The following PDE4DIP variants were observed in gnomAD, a reference collection of about 807,000 sequenced individuals.
The protein encoded by PDE4DIP is myomegalin.
PDE4DIP carries 59 observed loss-of-function variants against 221.4 expected under a neutral mutation model. The observed-to-expected ratio is 0.27, with a 90% CI of 0.22 to 0.33. The LOEUF (loss-of-function observed/expected upper bound fraction) is 0.33. Ranked by LOEUF, PDE4DIP falls within the 10% of genes least tolerant of loss-of-function variation. The pLI, the probability that PDE4DIP is intolerant of heterozygous loss-of-function variation, is 1.00. For missense variants in PDE4DIP, 1,036 were observed against 2,154.2 expected, an observed-to-expected ratio of 0.48 and a Z score of 10.28; for synonymous variants, 404 against 815.9, an observed-to-expected ratio of 0.50 and a Z score of 8.60.
At chr1:148,837,984 TC>T (rs1387850357) in intron 1 of PDE4DIP, among the ~76,000 whole-genome samples, 3 of 35,704 alleles carry the variant, frequency 8.4e-5, no homozygotes, top group Non-Finnish European at 1.6e-4. Context: ...TATCCATCAG[TC>T]CTCTGGGCTC....
intron 19 of PDE4DIP, 27 bp from the exon 23 acceptor site, chr1:148,979,710 A>G: frequency 6.2e-7 from 1 of 1,604,174 alleles, no homozygotes; most frequent in East Asian, 2.2e-5. Flanking sequence ...CCATTTGCGT[A>G]TTGCTTCCTC....
intron 17 of PDE4DIP, among the ~76,000 whole-genome samples, chr1:148,975,859 A>G (rs1382889331): frequency 6.6e-6 from 1 of 152,086 alleles, no homozygotes; most frequent in Admixed American, 6.5e-5. Flanking sequence ...CTTTTGCCAT[A>G]GCTAGATCTA....
intron 1 of PDE4DIP, among the ~76,000 whole-genome samples, chr1:148,922,747 C>A (rs2045730874): frequency 6.7e-6 from 1 of 149,720 alleles, no homozygotes; most frequent in South Asian, 2.2e-4. Flanking sequence ...GCCACCACAC[C>A]CGGCTAATTT....
intron 17 of PDE4DIP, among the ~76,000 whole-genome samples, chr1:148,974,938 C>T (rs184851854): frequency 1.1e-4 from 10 of 87,336 alleles, no homozygotes; most frequent in African/African-American, 2.3e-4. Context: ...CCGAGGTGGG[C>T]GGATCACTTG....
intron 5 of PDE4DIP, among the ~76,000 whole-genome samples, chr1:148,941,390 A>G (rs587704414): frequency 8.9e-6 from 1 of 112,702 alleles, no homozygotes; most frequent in Admixed American, 8.9e-5. Flanking sequence ...AAAAATAAGT[A>G]TTGGAGAATG....
intron 5 of PDE4DIP, among the ~76,000 whole-genome samples, chr1:148,955,785 T>C (rs2055139286): frequency 6.6e-6 from 1 of 152,116 alleles, no homozygotes; most frequent in Non-Finnish European, 1.5e-5. Context: ...CTTCACTAAA[T>C]TTGGACATTA....
At chr1:149,005,398 A>C (rs2066714126) in exon 27 of PDE4DIP, 1 of 1,610,974 alleles carries the variant, frequency 6.2e-7, no homozygotes, top group South Asian at 1.1e-5. Context: ...GGACTAGAAG[A>C]GAAGCTGGCT....
At chr1:148,955,517 A>G (rs1439324762) in intron 5 of PDE4DIP, among the ~76,000 whole-genome samples, 2 of 152,186 alleles carry the variant, frequency 1.3e-5, no homozygotes, top group Admixed American at 6.5e-5. Flanking sequence ...AGATATGGAA[A>G]GTTCCTTGTT....
At chr1:149,019,898 TAGAA>T (rs1172863550) in intron 35 of PDE4DIP, among the ~76,000 whole-genome samples, 2 of 152,002 alleles carry the variant, frequency 1.3e-5, no homozygotes, top group Non-Finnish European at 2.9e-5. Flanking sequence ...TGGTGATCAT[TAGAA>T]AGCAGAATTT....
At chr1:148,929,308 A>G in intron 2 of PDE4DIP, 35 bp downstream of exon 5, 1 of 1,564,194 alleles carries the variant, frequency 6.4e-7, no homozygotes. Flanking sequence ...TCCTTTCCAG[A>G]GTCTGTCTTA....
intron 3 of PDE4DIP, among the ~76,000 whole-genome samples, chr1:148,877,078 C>T (rs1691727559): frequency 6.8e-6 from 1 of 146,150 alleles, no homozygotes; most frequent in African/African-American, 2.7e-5. Flanking sequence ...ATTCTCTATA[C>T]CAATACAATA....
At chr1:148,923,496 C>G (rs1465375842) in intron 1 of PDE4DIP, among the ~76,000 whole-genome samples, 3 of 145,470 alleles carry the variant, frequency 2.1e-5, no homozygotes, top group South Asian at 2.2e-4. Flanking sequence ...GTTTTTGAGA[C>G]GGAGTCTTAC....
intron 1 of PDE4DIP, among the ~76,000 whole-genome samples, chr1:148,926,879 T>C (rs1214505073): frequency 3.5e-5 from 5 of 144,536 alleles, no homozygotes; most frequent in Non-Finnish European, 7.6e-5. Context: ...GAATTATTCT[T>C]GCAGTGCCAG....
chr1:148,941,759 GTTA>G (rs1462996296), intron 5 of PDE4DIP: 1 of 142,940 alleles, frequency 7.0e-6, no homozygotes, highest in Non-Finnish European at 1.5e-5. Context: ...TGTTGTGGGT[GTTA>G]TCCTTCTCTG....
At chr1:148,988,081 G>C (rs1216225383) in intron 21 of PDE4DIP, among the ~76,000 whole-genome samples, 4 of 152,180 alleles carry the variant, frequency 2.6e-5, no homozygotes, top group African/African-American at 9.6e-5. Flanking sequence ...GTGAGGCAGA[G>C]AGCAAAGAGT....
At chr1:148,990,215 G>T (rs1460225653) in intron 21 of PDE4DIP, 3 of 984,874 alleles carry the variant, frequency 3.0e-6, no homozygotes, top group Non-Finnish European at 3.6e-6. Flanking sequence ...AAAAGTTTCA[G>T]CATTTTAATT....
chr1:148,907,136 C>T (rs1239478847), intron 1 of PDE4DIP, among the ~76,000 whole-genome samples: 6 of 145,326 alleles, frequency 4.1e-5, no homozygotes, highest in African/African-American at 1.6e-4. Context: ...TCTTTTTCCA[C>T]CCCTTTACCT....
chr1:148,923,329 C>G (rs1357195208), intron 1 of PDE4DIP, among the ~76,000 whole-genome samples: 4 of 151,516 alleles, frequency 2.6e-5, no homozygotes. Context: ...ATTCAACAAA[C>G]GTATCATTGT....
At chr1:148,937,377 T>C (rs1263369498) in intron 4 of PDE4DIP, among the ~76,000 whole-genome samples, 1 of 152,174 alleles carries the variant, frequency 6.6e-6, no homozygotes, top group African/African-American at 2.4e-5. Context: ...CAGTACTTGG[T>C]AGAGTGCATT....
Sources: gnomAD v4.1 joint callset for allele counts (sites outside exome capture counted in the v4.1 genomes callset) on GRCh38, gnomAD v4.1.1 for gene constraint, MANE v1.5 for transcripts, NCBI Gene and HGNC (gene_info 2026-07-23, HGNC 2026-07-21) for gene names.